Variants in PTPRN2 observed in about 807,000 individuals in gnomAD.
PTPRN2 encodes the protein protein tyrosine phosphatase receptor type N2, also known as receptor-type tyrosine-protein phosphatase N2.
In PTPRN2, 74 loss-of-function variants were observed where a neutral mutation model predicts 118.8. The observed-to-expected ratio is 0.62, with a 90% CI of 0.52 to 0.76. The LOEUF (loss-of-function observed/expected upper bound fraction) is 0.76, where lower values mean the gene tolerates loss of function less well. Ranked by LOEUF, PTPRN2 falls within the 30% of genes least tolerant of loss-of-function variation. The pLI is 0.00. For synonymous variants in PTPRN2, 641 were observed against 608.0 expected (o/e 1.05, Z -0.80); for missense variants, 1,481 against 1,394.4 (o/e 1.06, Z -0.99).
At chr7:158,127,652 G>A (rs866542157) in intron 9 of PTPRN2, among the ~76,000 whole-genome samples, 14 of 152,174 alleles carry the variant, frequency 9.2e-5, no homozygotes, top group Non-Finnish European at 1.3e-4. Flanking sequence ...CAGCGTGGTC[G>A]TTCCGCAGAA....
At chr7:158,033,881 G>A (rs1161139863) in intron 11 of PTPRN2, among the ~76,000 whole-genome samples, 1 of 144,056 alleles carries the variant, frequency 6.9e-6, no homozygotes, top group Non-Finnish European at 1.5e-5. Context: ...CTGTGTGGCT[G>A]CACACTGAGA....
chr7:157,921,824 C>T (rs993618304), intron 11 of PTPRN2, among the ~76,000 whole-genome samples: 9 of 152,166 alleles, frequency 5.9e-5, no homozygotes, highest in Admixed American at 5.2e-4. Context: ...ATTATAGCAA[C>T]AAAAATCCAC....
At position 157,831,577 on chromosome 7, in the gene PTPRN2, T is replaced by A. The variant is rs1026950654; in HGVS notation, c.1788+67096A>T. ...GGAAGAGGAGGAGCAGAGGAGTGGC[T>A]GGGAGGGTCTCAGTGAGCATTTCAG... is the stretch of plus-strand genomic sequence containing the variant. On this transcript the variant is annotated intron_variant, in intron 12 of 22. Transcript: ENST00000389418. This position sits in a 1 kb window ranked among gnomAD's most constrained non-coding sequence, Gnocchi z 4.8. Among the ~76,000 whole-genome samples, 4 of 152,136 alleles carry A rather than the reference T, an allele frequency of 2.6e-5. No individual in the cohort carries two copies. The highest frequency in any genetic ancestry group is 9.7e-5 in the African/African-American group (4 of 41,424).
intron 2 of PTPRN2, among the ~76,000 whole-genome samples, chr7:158,453,215 A>G (rs1389194387): frequency 2.3e-5 from 2 of 86,350 alleles, no homozygotes; most frequent in African/African-American, 8.8e-5. Context: ...CACAGCCTGG[A>G]CGTAGGGGAA....
chr7:158,378,291 T>A (rs995697262), intron 2 of PTPRN2, among the ~76,000 whole-genome samples: 3 of 152,176 alleles, frequency 2.0e-5, no homozygotes, highest in Non-Finnish European at 4.4e-5. Context: ...CCCCAGGGCA[T>A]GAGTTTTCCT....
At chr7:158,407,656 A>G (rs28616041) in intron 2 of PTPRN2, among the ~76,000 whole-genome samples, 20,337 of 29,816 alleles carry the variant, frequency 0.68, 6,261 homozygotes, top group Middle Eastern at 0.72. Context: ...TGGGTCCTGC[A>G]TCCTGCGTCC....
At chr7:158,533,543 G>A (rs963022499) in intron 1 of PTPRN2, among the ~76,000 whole-genome samples, 2 of 152,168 alleles carry the variant, frequency 1.3e-5, no homozygotes, top group African/African-American at 4.8e-5. Flanking sequence ...CCTGTCCTGC[G>A]TGATGGGTCT....
intron 2 of PTPRN2, among the ~76,000 whole-genome samples, chr7:158,414,474 TAC>T (rs35240293): frequency 0.43 from 65,578 of 151,894 alleles, 14,683 homozygotes; most frequent in Non-Finnish European, 0.49. Flanking sequence ...CAGATTTCAC[TAC>T]AGTAATTGCA....
chr7:158,132,489 G>T (rs61042478), intron 9 of PTPRN2, among the ~76,000 whole-genome samples: 48,577 of 149,072 alleles, frequency 0.33, 8,079 homozygotes, highest in East Asian at 0.45. Flanking sequence ...ACACACGCAC[G>T]CACATGCACA....
At chr7:157,736,010 C>T (rs925817976) in intron 12 of PTPRN2, among the ~76,000 whole-genome samples, 1 of 152,158 alleles carries the variant, frequency 6.6e-6, no homozygotes, top group Non-Finnish European at 1.5e-5. Context: ...GTGGGTGGGC[C>T]CCGTTCCCAA....
In PTPRN2 at chr7:157,707,392, A is replaced by C. The variant is rs566059877; in HGVS notation, c.1789-24455T>G. 1.2e-4 allele frequency among the ~76,000 whole-genome samples: 18 copies of C among 151,856 alleles called. No homozygotes were observed. The East Asian group carries it at 2.7e-3, about 23-fold the overall frequency. On this transcript the variant is annotated intron_variant, in intron 12 of 22. Coordinates refer to ENST00000389418, the MANE Select transcript of PTPRN2 (RefSeq NM_002847.5). The stretch of plus-strand genomic sequence containing the variant: ...TCACACGTGCATGGACACCCCCCCC[A>C]CACACGTGGAGATAGAGTCGACACT...
At chr7:158,389,949 C>T (rs950194152) in intron 2 of PTPRN2, among the ~76,000 whole-genome samples, 15 of 152,248 alleles carry the variant, frequency 9.9e-5, no homozygotes, top group Admixed American at 2.6e-4. Context: ...TGCTGTCCTC[C>T]GGTGCAGCCA....
At chr7:157,852,522 G>A (rs1563172414) in intron 12 of PTPRN2, among the ~76,000 whole-genome samples, 2 of 152,186 alleles carry the variant, frequency 1.3e-5, no homozygotes, top group South Asian at 2.1e-4. Flanking sequence ...GAAGGAGTGT[G>A]TGTTTAAAAT....
chr7:158,575,648 G>A (rs778991200), intron 1 of PTPRN2, among the ~76,000 whole-genome samples: 1 of 152,220 alleles, frequency 6.6e-6, no homozygotes, highest in Non-Finnish European at 1.5e-5. Flanking sequence ...TTACAGGCAT[G>A]AGCCAATGTG....
At chr7:157,738,132 A>C (rs1800408698) in intron 12 of PTPRN2, among the ~76,000 whole-genome samples, 1 of 152,244 alleles carries the variant, frequency 6.6e-6, no homozygotes, top group Non-Finnish European at 1.5e-5. Context: ...CTTCTTTTGA[A>C]ACATCTATTA....
At chr7:157,714,764 C>T (rs975351049) in intron 12 of PTPRN2, among the ~76,000 whole-genome samples, 4 of 151,990 alleles carry the variant, frequency 2.6e-5, no homozygotes, top group South Asian at 4.2e-4. Flanking sequence ...CAGGGAACGG[C>T]GCCCAGTCCG....
Position 157,576,593 on chromosome 7 carries a change from C to A in PTPRN2, c.2783+20G>T. 6.3e-7 allele frequency: 1 copy of A among 1,595,216 alleles called. No homozygotes were observed. Among genetic ancestry groups the A allele is most frequent in the South Asian group, 1.1e-5 (1 of 88,890 alleles). On this transcript the variant is annotated intron_variant, in intron 19 of 22. Coordinates refer to ENST00000389418, the MANE Select transcript of PTPRN2 (RefSeq NM_002847.5). Reference sequence around the variant, plus strand: ...GCGCGCTCAGCGCGCACTGCCCTGCCGGCGGGCCGCGCGTCATACCTGCGG... The same window carrying A: ...GCGCGCTCAGCGCGCACTGCCCTGCAGGCGGGCCGCGCGTCATACCTGCGG...
intron 14 of PTPRN2, among the ~76,000 whole-genome samples, chr7:157,623,358 T>C (rs1803380674): frequency 6.6e-6 from 1 of 152,188 alleles, no homozygotes; most frequent in Non-Finnish European, 1.5e-5. Context: ...GTTCTACAAA[T>C]AGGTAGGTCG....
chr7:158,201,215 C>A (rs1028967696), intron 4 of PTPRN2, among the ~76,000 whole-genome samples: 1 of 151,772 alleles, frequency 6.6e-6, no homozygotes, highest in Non-Finnish European at 1.5e-5. Context: ...AGAAAACGTA[C>A]GTTTACAATG....
Sources: gnomAD v4.1 joint callset for allele counts (sites outside exome capture counted in the v4.1 genomes callset) on GRCh38, gnomAD v4.1.1 for gene constraint, Gnocchi (gnomAD v3.1) non-coding constraint, MANE v1.5 for transcripts, NCBI Gene and HGNC (gene_info 2026-07-23, HGNC 2026-07-21) for gene names.